The following CCDC73 variants were observed in gnomAD, a reference collection of about 807,000 sequenced individuals.
CCDC73 encodes coiled-coil domain containing 73.
A neutral mutation model predicts 116.5 loss-of-function variants in CCDC73; 95 were observed. The observed-to-expected ratio is 0.82, with a 90% CI of 0.69 to 0.97. The LOEUF is 0.97. Among genes scored for constraint, CCDC73 ranks in the 50% least tolerant of loss-of-function variants. The pLI is 0.00. For missense variants in CCDC73, 1,066 were observed against 1,206.8 expected (o/e 0.88, Z 1.73); for synonymous variants, 398 against 401.3 (o/e 0.99, Z 0.10).
At chr11:32,772,210 C>G (rs1850497652) in intron 1 of CCDC73, among the ~76,000 whole-genome samples, 1 of 152,154 alleles carries the variant, frequency 6.6e-6, no homozygotes, top group African/African-American at 2.4e-5. Flanking sequence ...TTATTCTGCT[C>G]TCTACATTGT....
intron 13 of CCDC73, among the ~76,000 whole-genome samples, chr11:32,639,299 C>T (rs1424287103): frequency 6.6e-6 from 1 of 152,104 alleles, no homozygotes; most frequent in Non-Finnish European, 1.5e-5. Flanking sequence ...AAGTACCTTG[C>T]ACTATTGTGA....
At chr11:32,733,046 T>C (rs530820163) in intron 2 of CCDC73, among the ~76,000 whole-genome samples, 1 of 152,196 alleles carries the variant, frequency 6.6e-6, no homozygotes, top group South Asian at 2.1e-4. Flanking sequence ...GAGACACATA[T>C]AGGCTCAAAA....
intron 2 of CCDC73, chr11:32,758,311 C>T: frequency 2.0e-6 from 1 of 499,010 alleles, no homozygotes; most frequent in Non-Finnish European, 4.0e-6. Context: ...TCCTACAATA[C>T]AGCCTCTAAC....
intron 1 of CCDC73, among the ~76,000 whole-genome samples, chr11:32,766,786 G>A (rs970183745): frequency 7.5e-4 from 114 of 152,244 alleles, no homozygotes; most frequent in African/African-American, 2.7e-3. Context: ...CCTCTTCAAG[G>A]AGAACTACAA....
chr11:32,663,070 A>G (rs1198917759), intron 9 of CCDC73, among the ~76,000 whole-genome samples: 3 of 152,146 alleles, frequency 2.0e-5, no homozygotes, highest in African/African-American at 7.2e-5. Context: ...TACCAGTACC[A>G]TGCTGTTTTG....
intron 1 of CCDC73, among the ~76,000 whole-genome samples, chr11:32,765,803 A>T (rs545812086): frequency 1.0e-3 from 159 of 152,352 alleles, no homozygotes; most frequent in African/African-American, 3.5e-3. Flanking sequence ...TCTGAAATTG[A>T]GGCAATAATT....
the CCDC73 span, among the ~76,000 whole-genome samples, chr11:32,814,248 G>A: frequency 1.3e-5 from 2 of 152,176 alleles, no homozygotes; most frequent in African/African-American, 4.8e-5. Flanking sequence ...AAGCAACTCA[G>A]GTGTAAGACA....
chr11:32,747,671 C>T (rs1238011797), intron 2 of CCDC73, among the ~76,000 whole-genome samples: 1 of 152,202 alleles, frequency 6.6e-6, no homozygotes, highest in Non-Finnish European at 1.5e-5. Flanking sequence ...TGCCCCTCCC[C>T]CTGCCAAATT....
rs1199338006 is a variant in CCDC73 at position 32,787,893 on chromosome 11, T to A, written c.-16+6720A>T. On this transcript the variant is annotated intron_variant, in intron 1 of 17. Coordinates refer to ENST00000335185, the MANE Select transcript of CCDC73 (RefSeq NM_001008391.4). ...TTAACTCCATCAGGACCTTTTATAA[T>A]CTAATAAAATTATAACTATTACATT... 2.0e-5 allele frequency among the ~76,000 whole-genome samples: 3 copies of A among 152,164 alleles called. 1 individual carries two copies. The East Asian group carries it at 5.8e-4, about 29-fold the overall frequency.
chr11:32,614,808 T>C lies in CCDC73; in HGVS notation c.1510A>G (p.Asn504Asp). 1 of 1,613,452 alleles carries C rather than the reference T, an allele frequency of 6.2e-7. No individual in the cohort carries two copies. The highest frequency in any genetic ancestry group is 1.3e-5 in the African/African-American group (1 of 75,032). The change falls in exon 16 of 18, where the codon AAT becomes GAT. Residue 504 changes from asparagine (N) to aspartate (D), a missense_variant. Physicochemically the swap from Asn to Asp is conservative, Grantham distance 23. Transcript: ENST00000335185. Reference protein sequence around the residue: ...KEVISQGQTSNVTDNRKSVTT... With the variant: ...KEVISQGQTSDVTDNRKSVTT... ...ACTGATTTTCTGTTGTCCGTAACAT[T>C]CGAGGTTTGTCCTTGACTAATTACT...
chr11:32,630,788 C>A (rs1855624921), intron 14 of CCDC73, among the ~76,000 whole-genome samples: 1 of 150,606 alleles, frequency 6.6e-6, no homozygotes, highest in Non-Finnish European at 1.5e-5. Context: ...CAACAGTTCT[C>A]AAAAAAAAGA....
rs1855469738 is a variant in CCDC73 at position 32,615,970 on chromosome 11, CTTCT to C, written c.1341_1344del (p.Glu448AlafsTer4). 1 of 1,579,544 alleles carries C rather than the reference CTTCT, an allele frequency of 6.3e-7. No homozygotes were observed. Among genetic ancestry groups the C allele is most frequent in the Admixed American group, 1.8e-5 (1 of 56,566 alleles). On this transcript the variant is annotated frameshift_variant, in exon 15 of 18. Transcript: ENST00000335185. LOFTEE classifies it high-confidence loss of function. ...ATAATTATTTCCTCTATAAATGAGC[CTTCT>C]TTTTTTTCTTCTTTTTCTCTGTATT... is the stretch of plus-strand genomic sequence containing the variant.
intron 6 of CCDC73, among the ~76,000 whole-genome samples, chr11:32,697,482 T>TTC (rs1491308692): frequency 5.5e-5 from 2 of 36,378 alleles, no homozygotes; most frequent in African/African-American, 2.1e-4. Flanking sequence ...CTCTTTATTC[T>TTC]TTTTTTTTTT....
chr11:32,669,314 G>A (rs1473310495), intron 9 of CCDC73, among the ~76,000 whole-genome samples: 1 of 151,942 alleles, frequency 6.6e-6, no homozygotes, highest in Non-Finnish European at 1.5e-5. Flanking sequence ...ATGCTCAACT[G>A]ATTTTTTTAA....
At chr11:32,755,749 ATATATATATATCTCCATATATATGTG>A (rs1565094265) in intron 2 of CCDC73, among the ~76,000 whole-genome samples, 52 of 28,328 alleles carry the variant, frequency 1.8e-3, no homozygotes, top group African/African-American at 8.1e-3. Context: ...ATATATGTGT[ATATATATATATCTCCATATATATGTG>A]TATATATATA....
intron 2 of CCDC73, among the ~76,000 whole-genome samples, chr11:32,732,522 C>T (rs754825791): frequency 4.6e-5 from 7 of 152,084 alleles, no homozygotes; most frequent in African/African-American, 9.7e-5. Context: ...CAGAAAGAAA[C>T]GTCGGGTTAC....
At chr11:32,712,798 T>C (rs113927990) in intron 3 of CCDC73, among the ~76,000 whole-genome samples, 1 of 151,992 alleles carries the variant, frequency 6.6e-6, no homozygotes, top group African/African-American at 2.4e-5. Context: ...CTTCATTTTA[T>C]ATATAGCATA....
intron 9 of CCDC73, among the ~76,000 whole-genome samples, chr11:32,672,190 A>C (rs1856045762): frequency 6.6e-6 from 1 of 152,088 alleles, no homozygotes; most frequent in Non-Finnish European, 1.5e-5. Context: ...AAAAATACAA[A>C]AATTAGCTAG....
intron 9 of CCDC73, among the ~76,000 whole-genome samples, chr11:32,661,170 T>C (rs1225747396): frequency 2.0e-5 from 3 of 152,174 alleles, no homozygotes; most frequent in Non-Finnish European, 4.4e-5. Context: ...GGTGACATGC[T>C]AGTCTGCAGT....
Sources: allele counts gnomAD v4.1 joint callset (sites outside exome capture counted in the v4.1 genomes callset), GRCh38; gene constraint gnomAD v4.1.1; transcripts MANE v1.5; gene names NCBI Gene and HGNC (gene_info 2026-07-23, HGNC 2026-07-21).